The following PEX14 variants were observed in gnomAD, a reference collection of about 807,000 sequenced individuals.
PEX14 encodes the protein peroxisomal biogenesis factor 14.
In PEX14, 15 loss-of-function variants were observed where a neutral mutation model predicts 49.5. The ratio of observed to expected loss-of-function variants is 0.30; its 90% CI spans 0.20 to 0.47. The LOEUF (loss-of-function observed/expected upper bound fraction) is 0.47, where lower values mean the gene tolerates loss of function less well. Ranked by LOEUF, PEX14 falls within the 20% of genes least tolerant of loss-of-function variation. The probability of loss-of-function intolerance (pLI) is 1.00; values close to 1 mark genes in which losing one functional copy is unlikely to be tolerated. For synonymous variants in PEX14, 210 were observed against 212.7 expected, an observed-to-expected ratio of 0.99 and a Z score of 0.11; for missense variants, 398 against 494.8, an observed-to-expected ratio of 0.80 and a Z score of 1.86.
rs71583883 is a variant in PEX14, at chr1:10,570,848, G to GTTTGTTTT, written c.170-28387_170-28386insGTTTTTTT. Reference sequence around the variant, plus strand: ...TTTCTTTAGAGAAAATGTCAACAGGGTTTTTTTTTTTTTTTTTGAGATGGT... The same window carrying GTTTGTTTT: ...TTTCTTTAGAGAAAATGTCAACAGGGTTTGTTTTTTTTTTTTTTTTTTTTTGAGATGGT... On this transcript the variant is annotated intron_variant, in intron 3 of 8. Coordinates refer to ENST00000356607, the MANE Select transcript of PEX14 (RefSeq NM_004565.3). Among the ~76,000 whole-genome samples, 339 of 113,896 alleles carry GTTTGTTTT rather than the reference G, an allele frequency of 3.0e-3. 16 individuals carry two copies. The highest frequency in any genetic ancestry group is 4.0e-3 in the Non-Finnish European group (232 of 57,338). The allele number at this position is 113,896 out of a possible 152,430, so 74.7% of individuals were successfully genotyped here.
In PEX14 at chr1:10,490,331, G is replaced by A. The variant is rs148535776; in HGVS notation, c.37-4943G>A. 3.3e-5 allele frequency among the ~76,000 whole-genome samples: 5 copies of A among 152,118 alleles called. No individual in the cohort carries two copies. The East Asian group carries it at 7.7e-4, about 24-fold the overall frequency. ...AGGATGGGTTCTCCTATCTGAAGTC[G>A]CAGTTACTGGGCAGATGCAGGATGG... On this transcript the variant is annotated intron_variant, in intron 1 of 8. Transcript: ENST00000356607.
intron 4 of PEX14, among the ~76,000 whole-genome samples, chr1:10,601,080 GGCA>G (rs1333532639): frequency 6.6e-6 from 1 of 152,128 alleles, no homozygotes. Context: ...TGGCCAATGT[GGCA>G]AAACCCTGTC....
chr1:10,579,651 G>C (rs752140673), intron 3 of PEX14, among the ~76,000 whole-genome samples: 2 of 152,108 alleles, frequency 1.3e-5, no homozygotes, highest in Non-Finnish European at 2.9e-5. Flanking sequence ...TGCCAGACGG[G>C]GTGGATTATT....
At chr1:10,524,520 A>G in intron 2 of PEX14, 1 of 506,884 alleles carries the variant, frequency 2.0e-6, no homozygotes, top group Non-Finnish European at 2.6e-6. Flanking sequence ...TTCATAAGTA[A>G]ATTACATGCT....
chr1:10,558,225 C>A (rs1183086830), intron 3 of PEX14, among the ~76,000 whole-genome samples: 1 of 151,828 alleles, frequency 6.6e-6, no homozygotes, highest in African/African-American at 2.4e-5. Context: ...TCAGGCTGGT[C>A]TTGAACTCCT....
At chr1:10,513,715 T>C (rs1235606571) in intron 2 of PEX14, among the ~76,000 whole-genome samples, 1 of 152,218 alleles carries the variant, frequency 6.6e-6, no homozygotes, top group Non-Finnish European at 1.5e-5. Context: ...TAGCTGACTA[T>C]TATATAGCCC....
intron 3 of PEX14, among the ~76,000 whole-genome samples, chr1:10,559,050 C>G (rs1403216916): frequency 6.6e-6 from 1 of 151,830 alleles, no homozygotes; most frequent in Non-Finnish European, 1.5e-5. Flanking sequence ...TTTAATAGTC[C>G]TAATTGTTTT....
chr1:10,528,148 T>C (rs1475875855), intron 2 of PEX14: 1 of 162,916 alleles, frequency 6.1e-6, no homozygotes, highest in African/African-American at 2.4e-5. Context: ...CACCAGCTGG[T>C]GGTCACCTAT....
At chr1:10,616,135 C>A (rs1407606572) in intron 4 of PEX14, among the ~76,000 whole-genome samples, 1 of 152,114 alleles carries the variant, frequency 6.6e-6, no homozygotes, top group Non-Finnish European at 1.5e-5. Flanking sequence ...CTCCAGGCCC[C>A]TCCAGCCCTG....
chr1:10,573,722 T>C (rs2124555037), intron 3 of PEX14, among the ~76,000 whole-genome samples: 1 of 152,330 alleles, frequency 6.6e-6, no homozygotes, highest in South Asian at 2.1e-4. Flanking sequence ...GACCTAGCAA[T>C]TCCATTATTA....
rs994165283 is a variant in PEX14 at position 10,623,429 on chromosome 1, A to T, written c.487+308A>T. On this transcript the variant is annotated intron_variant, in intron 6 of 8. Coordinates refer to ENST00000356607, the MANE Select transcript of PEX14 (RefSeq NM_004565.3). This position sits in a 1 kb window ranked among gnomAD's most constrained non-coding sequence, Gnocchi z 4.4. The stretch of plus-strand genomic sequence containing the variant: ...AAGTTCATTTTTAATTTCTGCTTCT[A>T]TGAGGTTTTCAGGGGGGTTTTCAGT... The T allele has an allele frequency of 1.1e-5, 4 of 372,650 alleles. No homozygotes were observed. The highest frequency in any genetic ancestry group is 7.4e-5 in the Admixed American group (2 of 26,906). The allele number at this position is 372,650 out of a possible 1,614,324, so 23.1% of individuals were successfully genotyped here.
intron 1 of PEX14, among the ~76,000 whole-genome samples, chr1:10,482,291 G>T (rs572102573): frequency 7.9e-5 from 12 of 151,834 alleles, no homozygotes; most frequent in African/African-American, 2.7e-4. Context: ...ACCATGCCTG[G>T]CTAATTTTTG....
chr1:10,603,624 G>A (rs919827709), intron 4 of PEX14, among the ~76,000 whole-genome samples: 1 of 152,058 alleles, frequency 6.6e-6, no homozygotes, highest in African/African-American at 2.4e-5. Flanking sequence ...GCTTTACATC[G>A]GGAGTCAGTG....
At chr1:10,611,465 A>G (rs1641275746) in intron 4 of PEX14, among the ~76,000 whole-genome samples, 1 of 152,216 alleles carries the variant, frequency 6.6e-6, no homozygotes, top group African/African-American at 2.4e-5. Context: ...GTGAACATTC[A>G]TGTATAAATC....
At chr1:10,588,681 T>A (rs1383044380) in intron 3 of PEX14, among the ~76,000 whole-genome samples, 2 of 152,176 alleles carry the variant, frequency 1.3e-5, no homozygotes, top group African/African-American at 4.8e-5. Context: ...GTAGCCCTCA[T>A]GGTGATCAGA....
chr1:10,527,028 A>G (rs2124465510), intron 2 of PEX14, among the ~76,000 whole-genome samples: 1 of 152,162 alleles, frequency 6.6e-6, no homozygotes, highest in East Asian at 1.9e-4. Context: ...CGCCTGGCCA[A>G]CATGGTGAAA....
chr1:10,546,877 A>G (rs12144313), intron 3 of PEX14, among the ~76,000 whole-genome samples: 2 of 152,114 alleles, frequency 1.3e-5, no homozygotes, highest in African/African-American at 4.8e-5. Context: ...TCAAAAAAAA[A>G]CAAAAAACGA....
intron 3 of PEX14, among the ~76,000 whole-genome samples, chr1:10,541,692 G>T (rs968959772): frequency 6.6e-6 from 1 of 152,148 alleles, no homozygotes; most frequent in Non-Finnish European, 1.5e-5. Context: ...TCATCACACC[G>T]ACTGGTCCCC....
chr1:10,491,483 C>T (rs572397935), intron 1 of PEX14, among the ~76,000 whole-genome samples: 12 of 150,836 alleles, frequency 8.0e-5, no homozygotes, highest in African/African-American at 2.0e-4. Flanking sequence ...TGGGATCAAG[C>T]GAGCCTCCTG....
Sources: allele counts gnomAD v4.1 joint callset (sites outside exome capture counted in the v4.1 genomes callset), GRCh38; gene constraint gnomAD v4.1.1; non-coding constraint Gnocchi (gnomAD v3.1); transcripts MANE v1.5; gene names NCBI Gene and HGNC (gene_info 2026-07-23, HGNC 2026-07-21).